MIB1: variants seen among roughly 807,000 people sequenced by gnomAD.
MIB1 encodes E3 ubiquitin-protein ligase MIB1.
In MIB1, 278 loss-of-function variants were observed where a neutral mutation model predicts 124.5. That is an observed-to-expected ratio of 2.23 (90% CI 2.02 to 2.47). MIB1 has a LOEUF of 2.47. Ranked by LOEUF, MIB1 falls within the 30% of genes most tolerant of loss-of-function variation. The pLI is 0.00. For missense variants in MIB1, 957 were observed against 1,254.4 expected (o/e 0.76, Z 3.58); for synonymous variants, 446 against 429.4 (o/e 1.04, Z -0.48).
At chr18:21,777,960 A>G in intron 4 of MIB1, 143 bp from the exon 5 acceptor site, 1 of 572,896 alleles carries the variant, frequency 1.7e-6, no homozygotes, top group East Asian at 3.0e-5. Flanking sequence ...TACTTTTGAA[A>G]GCAGTGTTTA....
In MIB1 at chr18:21,741,787, C is replaced by T. The variant is rs1178641386; in HGVS notation, c.204C>T (p.Leu68=). The change falls in exon 1 of 21, where the codon CTC becomes CTT. Residue 68 remains leucine, a synonymous_variant. Coordinates refer to ENST00000261537, the MANE Select transcript of MIB1 (RefSeq NM_020774.4). The surrounding 1 kb of genome is among the most constrained non-coding windows in gnomAD (Gnocchi z 5.4). The part of the protein sequence containing the change: ...ANYRCSGAYD[L]RILDSAPTGI... ...ACCGCTGCTCCGGGGCTTACGACCT[C>T]CGCATCCTGGACAGCGCGCCCACCG... 3.7e-6 allele frequency: 6 copies of T among 1,606,900 alleles called. No individual in the cohort carries two copies. The highest frequency in any genetic ancestry group is 4.2e-6 in the Non-Finnish European group (5 of 1,177,692).
At chr18:21,806,915 C>A (rs767990757) in intron 10 of MIB1, among the ~76,000 whole-genome samples, 1 of 152,156 alleles carries the variant, frequency 6.6e-6, no homozygotes. Context: ...GCCACCGTGC[C>A]CAGCCAAATA....
chr18:21,785,013 A>G (rs1336212810), intron 6 of MIB1, among the ~76,000 whole-genome samples: 1 of 152,208 alleles, frequency 6.6e-6, no homozygotes, highest in African/African-American at 2.4e-5. Flanking sequence ...TAGCAGTAGT[A>G]GAATTAGTGA....
In MIB1 at chr18:21,741,414, T is replaced by C; in HGVS notation, c.-170T>C. 1 of 284,178 alleles carries C rather than the reference T, an allele frequency of 3.5e-6. No individual in the cohort carries two copies. The highest frequency in any genetic ancestry group is 6.1e-6 in the Non-Finnish European group (1 of 163,060). 17.6% of individuals were successfully genotyped at this position (284,178 alleles called of 1,614,324 possible). On this transcript the variant is annotated 5_prime_UTR_variant, in exon 1 of 21. Transcript: ENST00000261537. The surrounding 1 kb of genome is among the most constrained non-coding windows in gnomAD (Gnocchi z 5.4). ...CGACAGCTGGGCAGCGGCTTTGGGC[T>C]CCGCGGGGACCGCGCCGCCGCCCCC... is the stretch of plus-strand genomic sequence containing the variant.
At chr18:21,840,512 G>T (rs1184301243) in intron 13 of MIB1, among the ~76,000 whole-genome samples, 1 of 151,738 alleles carries the variant, frequency 6.6e-6, no homozygotes, top group Admixed American at 6.6e-5. Context: ...AAGCCAGCCA[G>T]GCCTGTTGAC....
At chr18:21,723,047 C>T (rs182371857) in intron 1 of MIB1, among the ~76,000 whole-genome samples, 11 of 152,190 alleles carry the variant, frequency 7.2e-5, no homozygotes, top group East Asian at 5.8e-4. Flanking sequence ...AATTCTTTTG[C>T]GAGGAATATT....
intron 1 of MIB1, among the ~76,000 whole-genome samples, chr18:21,753,052 G>A (rs57442701): frequency 1.2e-3 from 189 of 151,940 alleles, no homozygotes; most frequent in African/African-American, 4.3e-3. Context: ...CCCCAATACT[G>A]TGCTTTTAAA....
At chr18:21,823,811 GTTAATA>G (rs1309655430) in intron 12 of MIB1, among the ~76,000 whole-genome samples, 2 of 152,040 alleles carry the variant, frequency 1.3e-5, no homozygotes, top group Non-Finnish European at 2.9e-5. Flanking sequence ...TGTTCTGATA[GTTAATA>G]TTTATAGGCA....
intron 8 of MIB1, 113 bp downstream of exon 8, chr18:21,798,341 G>C (rs1045446303): frequency 2.8e-6 from 3 of 1,077,890 alleles, no homozygotes; most frequent in African/African-American, 3.2e-5. Context: ...CTTTGTCCCA[G>C]ATTACACAGC....
chr18:21,726,653 ACCAAGCTACTTGACT>A (rs1417281223), intron 1 of MIB1, among the ~76,000 whole-genome samples: 1 of 152,134 alleles, frequency 6.6e-6, no homozygotes, highest in Non-Finnish European at 1.5e-5. Context: ...TGTAACCTTG[ACCAAGCTACTTGACT>A]CCATCATAAT....
intron 6 of MIB1, among the ~76,000 whole-genome samples, chr18:21,783,752 A>G (rs994026105): frequency 8.1e-5 from 12 of 148,776 alleles, no homozygotes; most frequent in Admixed American, 7.4e-4. Flanking sequence ...AAATTTTATC[A>G]TTTTTTGTTT....
At chr18:21,723,472 A>C (rs1048288275) in intron 1 of MIB1, among the ~76,000 whole-genome samples, 1 of 152,144 alleles carries the variant, frequency 6.6e-6, no homozygotes, top group African/African-American at 2.4e-5. Flanking sequence ...CAACAGAGCT[A>C]AGTAATATAT....
intron 1 of MIB1, among the ~76,000 whole-genome samples, chr18:21,730,978 G>T (rs2040766859): frequency 6.6e-6 from 1 of 152,116 alleles, no homozygotes; most frequent in South Asian, 2.1e-4. Flanking sequence ...CATGTATGTG[G>T]TCCCTTTTAC....
At chr18:21,814,902 C>G (rs571066924) in intron 10 of MIB1, among the ~76,000 whole-genome samples, 1 of 149,170 alleles carries the variant, frequency 6.7e-6, no homozygotes, top group Admixed American at 6.7e-5. Context: ...AAAACAACAA[C>G]AACAACAACA....
chr18:21,862,697 G>T (rs2042286606), intron 20 of MIB1, among the ~76,000 whole-genome samples: 1 of 152,066 alleles, frequency 6.6e-6, no homozygotes, highest in Non-Finnish European at 1.5e-5. Flanking sequence ...TTCACTCTAG[G>T]GCTTGCTTTG....
At chr18:21,842,988 C>T in intron 13 of MIB1, 143 bp from the exon 14 acceptor site, 1 of 562,104 alleles carries the variant, frequency 1.8e-6, no homozygotes, top group South Asian at 2.4e-5. Context: ...CAACTGTTAC[C>T]ATATGAGAAT....
In MIB1 at chr18:21,819,648, T is replaced by A. The variant is rs1339739576; in HGVS notation, c.1829+2T>A. 1.3e-6 allele frequency: 2 copies of A among 1,524,942 alleles called. No individual in the cohort carries two copies. Among genetic ancestry groups the A allele is most frequent in the Non-Finnish European group, 1.8e-6 (2 of 1,132,620 alleles). The allele number at this position is 1,524,942 out of a possible 1,614,324, so 94.5% of individuals were successfully genotyped here. Reference sequence around the variant, plus strand: ...TGCTGCACTAAGGGGAAATCCCAGGTATGTCACCCCTTACTATTTTAGGTG... The same window carrying A: ...TGCTGCACTAAGGGGAAATCCCAGGAATGTCACCCCTTACTATTTTAGGTG... On this transcript the variant is annotated splice_donor_variant, in intron 12 of 20. Coordinates refer to ENST00000261537, the MANE Select transcript of MIB1 (RefSeq NM_020774.4). LOFTEE classifies it high-confidence loss of function.
At chr18:21,812,184 T>C (rs2041781387) in intron 10 of MIB1, among the ~76,000 whole-genome samples, 1 of 152,056 alleles carries the variant, frequency 6.6e-6, no homozygotes, top group Non-Finnish European at 1.5e-5. Flanking sequence ...TCCAAGAGGG[T>C]GACGACAAAG....
intron 6 of MIB1, among the ~76,000 whole-genome samples, chr18:21,784,401 T>C (rs2041409533): frequency 6.6e-6 from 1 of 152,158 alleles, no homozygotes; most frequent in African/African-American, 2.4e-5. Context: ...TTGGTTACCA[T>C]GAAGCTTACA....
Sources: gnomAD v4.1 joint callset for allele counts (sites outside exome capture counted in the v4.1 genomes callset) on GRCh38, gnomAD v4.1.1 for gene constraint, Gnocchi (gnomAD v3.1) non-coding constraint, MANE v1.5 for transcripts, NCBI Gene and HGNC (gene_info 2026-07-23, HGNC 2026-07-21) for gene names.